The following PTPRN2 variants were observed in gnomAD, a reference collection of about 807,000 sequenced individuals.
The protein encoded by PTPRN2 is receptor-type tyrosine-protein phosphatase N2.
PTPRN2 carries 74 observed loss-of-function variants against 118.8 expected under a neutral mutation model. That is an observed-to-expected ratio of 0.62 (90% CI 0.52 to 0.76). PTPRN2 has a LOEUF of 0.76. Among genes scored for constraint, PTPRN2 ranks in the 30% least tolerant of loss-of-function variants. PTPRN2 has a pLI of 0.00. For synonymous variants in PTPRN2, 641 were observed against 608.0 expected, an observed-to-expected ratio of 1.05 and a Z score of -0.80; for missense variants, 1,481 against 1,394.4, an observed-to-expected ratio of 1.06 and a Z score of -0.99.
At chr7:158,007,826 TGTG>T (rs546239196) in intron 11 of PTPRN2, among the ~76,000 whole-genome samples, 9 of 140,382 alleles carry the variant, frequency 6.4e-5, no homozygotes, top group East Asian at 4.4e-4. Flanking sequence ...GGTATATACA[TGTG>T]GGGGTGTGTG....
intron 12 of PTPRN2, among the ~76,000 whole-genome samples, chr7:157,771,249 A>T (rs1802785758): frequency 6.6e-6 from 1 of 152,242 alleles, no homozygotes; most frequent in Non-Finnish European, 1.5e-5. Flanking sequence ...ACTCCAGCTG[A>T]TGCCAGTGGA....
chr7:157,685,400 G>A (rs1341316970), intron 12 of PTPRN2, among the ~76,000 whole-genome samples: 1 of 152,000 alleles, frequency 6.6e-6, no homozygotes, highest in Non-Finnish European at 1.5e-5. Flanking sequence ...GGGCGGCGGG[G>A]CCACGGCGTG....
chr7:158,391,491 C>T (rs1022047487), intron 2 of PTPRN2, among the ~76,000 whole-genome samples: 2 of 152,234 alleles, frequency 1.3e-5, no homozygotes, highest in African/African-American at 2.4e-5. Context: ...ACAGCAGCCT[C>T]CCCTAGCTTC....
intron 3 of PTPRN2, among the ~76,000 whole-genome samples, chr7:158,282,515 C>T (rs369889577): frequency 2.6e-5 from 4 of 152,320 alleles, no homozygotes; most frequent in African/African-American, 7.2e-5. Flanking sequence ...GTCGAGGCTG[C>T]GGCTGAGTTT....
At chr7:157,855,697 G>A (rs1046373249) in intron 12 of PTPRN2, among the ~76,000 whole-genome samples, 2 of 152,248 alleles carry the variant, frequency 1.3e-5, no homozygotes, top group Non-Finnish European at 2.9e-5. Context: ...GCTGAGCCGA[G>A]GGAGAGCCGG....
chr7:158,028,689 G>C (rs1807459962), intron 11 of PTPRN2: 1 of 152,270 alleles, frequency 6.6e-6, no homozygotes, highest in Admixed American at 6.5e-5. Flanking sequence ...GAACAGTAGT[G>C]GCCTTAGGAA....
At chr7:158,165,031 G>A (rs4373474) in intron 6 of PTPRN2, among the ~76,000 whole-genome samples, 91,515 of 148,802 alleles carry the variant, frequency 0.62, 29,321 homozygotes, top group East Asian at 0.78. Context: ...GAAGACCCCC[G>A]ATGGTGTCTA....
chr7:157,883,264 G>A (rs867546422), intron 12 of PTPRN2, among the ~76,000 whole-genome samples: 26 of 100,510 alleles, frequency 2.6e-4, no homozygotes, highest in Admixed American at 4.4e-4. Context: ...CACACCACCC[G>A]AAAATGACTG....
chr7:157,933,460 C>T (rs1310593698), intron 11 of PTPRN2, among the ~76,000 whole-genome samples: 1 of 146,602 alleles, frequency 6.8e-6, no homozygotes, highest in Admixed American at 6.8e-5. Context: ...GGGTGAGTCA[C>T]TCTGATTGAC....
At position 157,604,569 on chromosome 7, in the gene PTPRN2, C is replaced by T. The variant is rs148917804; in HGVS notation, c.2345-494G>A. On this transcript the variant is annotated intron_variant, in intron 15 of 22. Transcript: ENST00000389418. Reference sequence around the variant, plus strand: ...CACAGCAGGTAAACAGAAATATGAACGTTAAGCAATCGCCCGCGTTTCAAA... The same window carrying T: ...CACAGCAGGTAAACAGAAATATGAATGTTAAGCAATCGCCCGCGTTTCAAA... 1.1e-3 allele frequency among the ~76,000 whole-genome samples: 169 copies of T among 152,282 alleles called. No individual in the cohort carries two copies. The Middle Eastern group carries it at 0.014, about 12-fold the overall frequency.
At position 157,804,159 on chromosome 7, in the gene PTPRN2, T is replaced by C. The variant is rs370286088; in HGVS notation, c.1788+94514A>G. Among the ~76,000 whole-genome samples the C allele has an allele frequency of 4.1e-4, 63 of 152,330 alleles. 1 individual carries two copies. The East Asian group carries it at 0.011, about 27-fold the overall frequency. ...CAAGCCCTTATTTCGTAGCATCTAATTCCTCACCGGGTGTGGAGGGGCCTG... is the reference window on the plus strand; with the variant it reads ...CAAGCCCTTATTTCGTAGCATCTAACTCCTCACCGGGTGTGGAGGGGCCTG... On this transcript the variant is annotated intron_variant, in intron 12 of 22. Transcript: ENST00000389418.
intron 12 of PTPRN2, among the ~76,000 whole-genome samples, chr7:157,683,699 T>C (rs1797024095): frequency 6.6e-6 from 1 of 152,200 alleles, no homozygotes; most frequent in Non-Finnish European, 1.5e-5. Flanking sequence ...GGTGAAAATA[T>C]GAGAAAGCCC....
At chr7:158,169,795 GA>G (rs1823378956) in intron 5 of PTPRN2, among the ~76,000 whole-genome samples, 1 of 151,874 alleles carries the variant, frequency 6.6e-6, no homozygotes, top group Admixed American at 6.6e-5. Context: ...GGGTTCAAGC[GA>G]CTCTCCTGCT....
intron 12 of PTPRN2, among the ~76,000 whole-genome samples, chr7:157,684,761 C>G (rs1367677584): frequency 6.6e-6 from 1 of 151,890 alleles, no homozygotes; most frequent in Non-Finnish European, 1.5e-5. Flanking sequence ...CCTAAGGCGC[C>G]GGCCACGCGC....
chr7:158,483,287 T>TA (rs1403782995), intron 2 of PTPRN2, among the ~76,000 whole-genome samples: 3 of 152,332 alleles, frequency 2.0e-5, no homozygotes, highest in African/African-American at 7.2e-5. Flanking sequence ...CCCACTATGG[T>TA]ATATAAATCT....
intron 22 of PTPRN2, among the ~76,000 whole-genome samples, chr7:157,545,209 T>C (rs948963337): frequency 1.0e-4 from 14 of 139,450 alleles, no homozygotes; most frequent in African/African-American, 3.9e-4. Flanking sequence ...GTGTGTGCAA[T>C]GTGTGGGTGT....
At chr7:158,362,252 T>A (rs1326565044) in intron 2 of PTPRN2, among the ~76,000 whole-genome samples, 1 of 152,208 alleles carries the variant, frequency 6.6e-6, no homozygotes, top group East Asian at 1.9e-4. Flanking sequence ...CCGCCCGGCC[T>A]CAGCCTGGTG....
chr7:158,491,548 G>C (rs1586792508), intron 1 of PTPRN2, among the ~76,000 whole-genome samples: 1 of 152,094 alleles, frequency 6.6e-6, no homozygotes, highest in Non-Finnish European at 1.5e-5. Flanking sequence ...GGAGTGCAAT[G>C]GAGTGATCTT....
intron 11 of PTPRN2, among the ~76,000 whole-genome samples, chr7:157,925,946 CTA>C (rs1016790898): frequency 1.3e-5 from 2 of 152,204 alleles, no homozygotes; most frequent in Admixed American, 6.5e-5. Flanking sequence ...GATAAGGAAA[CTA>C]GTTCCCTGCA....
Sources: gnomAD v4.1 joint callset for allele counts (sites outside exome capture counted in the v4.1 genomes callset) on GRCh38, gnomAD v4.1.1 for gene constraint, MANE v1.5 for transcripts, NCBI Gene and HGNC (gene_info 2026-07-23, HGNC 2026-07-21) for gene names.